APPL2: variants seen among roughly 807,000 people sequenced by gnomAD.
APPL2 encodes DCC-interacting protein 13-beta.
In APPL2, 84 loss-of-function variants were observed where a neutral mutation model predicts 92.7. That is an observed-to-expected ratio of 0.91 (90% confidence interval 0.76 to 1.09). The LOEUF (loss-of-function observed/expected upper bound fraction) is 1.09, where lower values mean the gene tolerates loss of function less well. APPL2 is among the 50% of genes least tolerant of loss of function. APPL2 has a pLI of 0.00. For synonymous variants in APPL2, 291 were observed against 291.0 expected, an observed-to-expected ratio of 1.00 and a Z score of 0.00; for missense variants, 736 against 824.5, an observed-to-expected ratio of 0.89 and a Z score of 1.31.
Position 105,208,168 on chromosome 12 carries a change from G to T in APPL2, c.405C>A (p.Leu135=). The T allele has an allele frequency of 1.2e-6, 2 of 1,614,224 alleles. No homozygotes were observed. The highest frequency in any genetic ancestry group is 8.5e-7 in the Non-Finnish European group (1 of 1,180,024). Residue 135 remains leucine (L), a synonymous_variant, in exon 6 of 21, where the codon CTC becomes CTA. Transcript: ENST00000258530. ...GGAGAAGGTGCCTACCATTGCTAGC[G>T]AGTCCAAATAGATCCTTTAAAGTGC... ...EVSTLKDLFG[L]ASNEHDLSMA... is the part of the protein sequence containing the mutation.
Position 105,195,336 on chromosome 12 carries a change from T to G in APPL2, c.1166A>C (p.Lys389Thr), listed in dbSNP as rs1592779968. 6.2e-7 allele frequency: 1 copy of G among 1,614,202 alleles called. No homozygotes were observed. The change falls in exon 14 of 21, where the codon AAG becomes ACG. Residue 389 changes from lysine to threonine, a missense_variant. Physicochemically the swap from Lys to Thr is moderately conservative, Grantham distance 78 (BLOSUM62 -1). Transcript: ENST00000258530. ...TGCTTGCAGAGCGGTCTGATTCAAC[T>G]TGATCGCGACTGCCTAAAAATCCAC... ...LTDNPEAVAI[K>T]LNQTALQAVT...
chr12:105,229,085 T>A, intron 2 of APPL2, 40 bp downstream of exon 2: 1 of 1,534,060 alleles, frequency 6.5e-7, no homozygotes, highest in Non-Finnish European at 8.9e-7. Context: ...GGGGAGAGAA[T>A]GCCCACTCTG....
chr12:105,224,491 C>T (rs1240405554), intron 2 of APPL2, among the ~76,000 whole-genome samples: 1 of 152,186 alleles, frequency 6.6e-6, no homozygotes, highest in African/African-American at 2.4e-5. Context: ...GGAGAGCAAG[C>T]ATAGTGGTTA....
chr12:105,225,050 C>G (rs531967513), intron 2 of APPL2, among the ~76,000 whole-genome samples: 3 of 147,906 alleles, frequency 2.0e-5, no homozygotes, highest in African/African-American at 4.9e-5. Context: ...TGGTTAAGAA[C>G]GACTGCAGAC....
At chr12:105,231,745 T>C (rs746548601) in intron 1 of APPL2, among the ~76,000 whole-genome samples, 21 of 152,230 alleles carry the variant, frequency 1.4e-4, no homozygotes, top group Non-Finnish European at 2.9e-4. Flanking sequence ...TTTTTCCTTA[T>C]ATCGTGGAAA....
intron 5 of APPL2, among the ~76,000 whole-genome samples, chr12:105,208,747 G>GAGTGCC (rs1888972839): frequency 6.6e-6 from 1 of 152,132 alleles, no homozygotes; most frequent in African/African-American, 2.4e-5. Flanking sequence ...TACTCCGAGT[G>GAGTGCC]AGTGCCACAC....
chr12:105,211,830 C>T (rs946361614), intron 4 of APPL2, among the ~76,000 whole-genome samples: 2 of 152,152 alleles, frequency 1.3e-5, no homozygotes, highest in East Asian at 1.9e-4. Flanking sequence ...AGAAAGAATA[C>T]TCCCTAACGG....
chr12:105,186,753 CT>C (rs2135929103), intron 17 of APPL2, among the ~76,000 whole-genome samples: 1 of 142,346 alleles, frequency 7.0e-6, no homozygotes, highest in African/African-American at 2.6e-5. Flanking sequence ...ATATAAACAT[CT>C]GTGAGACAGT....
At chr12:105,178,605 G>A (rs1167306258) in intron 17 of APPL2, among the ~76,000 whole-genome samples, 1 of 152,142 alleles carries the variant, frequency 6.6e-6, no homozygotes, top group Non-Finnish European at 1.5e-5. Context: ...TTATTAAACC[G>A]TAAGACTTAT....
intron 17 of APPL2, chr12:105,177,571 A>G (rs1885677795): frequency 2.7e-6 from 1 of 367,946 alleles, no homozygotes; most frequent in Non-Finnish European, 5.0e-6. Flanking sequence ...TATAATATGG[A>G]TGGATTATAT....
intron 8 of APPL2, among the ~76,000 whole-genome samples, chr12:105,206,062 C>T (rs1395437993): frequency 6.6e-6 from 1 of 152,186 alleles, no homozygotes; most frequent in Non-Finnish European, 1.5e-5. Context: ...GGATATCTTC[C>T]GAACCCATTT....
intron 7 of APPL2, 112 bp from the exon 8 acceptor site, chr12:105,207,319 T>C: frequency 7.3e-6 from 8 of 1,101,090 alleles, no homozygotes; most frequent in Non-Finnish European, 1.0e-5. Flanking sequence ...TTGTGACAAA[T>C]ATAACAAAAC....
intron 2 of APPL2, among the ~76,000 whole-genome samples, chr12:105,223,018 G>A (rs1890223900): frequency 6.6e-6 from 1 of 152,240 alleles, no homozygotes; most frequent in Non-Finnish European, 1.5e-5. Flanking sequence ...GGGACAGCCA[G>A]CAACAAGACA....
rs560525348 is a variant in APPL2 at position 105,217,613 on chromosome 12, T to TTAA, written c.213+50_213+52dup. On this transcript the variant is annotated intron_variant, in intron 3 of 20. Coordinates refer to ENST00000258530, the MANE Select transcript of APPL2 (RefSeq NM_018171.5). ...TAAGGATGCCTCTGGATAATTCCACTTAAGAAAGTCCTGAACACAGCAGCA... is the reference window on the plus strand; with the variant it reads ...TAAGGATGCCTCTGGATAATTCCACTTAATAAGAAAGTCCTGAACACAGCAGCA... 1.9e-6 allele frequency: 3 copies of TTAA among 1,565,524 alleles called. No individual in the cohort carries two copies. In the African/African-American group the frequency reaches 4.1e-5, roughly 21 times the overall value.
chr12:105,233,462 TCAGTTA>T, intron 1 of APPL2: 1 of 929,852 alleles, frequency 1.1e-6, no homozygotes, highest in East Asian at 1.2e-4. Flanking sequence ...GTGTCTAAGG[TCAGTTA>T]ACTGCTATTC....
At chr12:105,195,726 G>A (rs1887583087) in intron 11 of APPL2, 99 bp from the exon 12 acceptor site, 4 of 1,332,602 alleles carry the variant, frequency 3.0e-6, no homozygotes, top group Non-Finnish European at 4.3e-6. Flanking sequence ...GGGAGGAAAA[G>A]TGCCATGAAG....
chr12:105,223,178 AG>A (rs1462491049), intron 2 of APPL2, among the ~76,000 whole-genome samples: 2 of 152,164 alleles, frequency 1.3e-5, no homozygotes, highest in Non-Finnish European at 2.9e-5. Context: ...TGCGGTGTGG[AG>A]GAAGAATGAA....
At chr12:105,229,651 G>A (rs1479122283) in intron 1 of APPL2, 2 of 990,368 alleles carry the variant, frequency 2.0e-6, no homozygotes, top group Non-Finnish European at 2.4e-6. Context: ...ATCTAGCACA[G>A]CTGTAGTGTG....
rs184843985 is a variant in APPL2, at chr12:105,176,821, T to C, written c.1812+55A>G. ...AGGAAGTAATGCCAGAAAACTCTTT[T>C]AAAATGGACTTGTTTGGACTGGGAT... On this transcript the variant is annotated intron_variant, in intron 19 of 20. Transcript: ENST00000258530. The C allele has an allele frequency of 1.8e-3, 2,821 of 1,581,682 alleles. 12 individuals are homozygous for C. Among genetic ancestry groups the C allele is most frequent in the Middle Eastern group, 2.4e-3 (14 of 5,876 alleles).
Sources: allele counts gnomAD v4.1 joint callset (sites outside exome capture counted in the v4.1 genomes callset), GRCh38; gene constraint gnomAD v4.1.1; transcripts MANE v1.5; gene names NCBI Gene and HGNC (gene_info 2026-07-23, HGNC 2026-07-21).